RAB34: variants seen among roughly 807,000 people sequenced by gnomAD.
RAB34 encodes the protein ras-related protein Rab-34.
In RAB34, 33 loss-of-function variants were observed where a neutral mutation model predicts 39.0. That is an observed-to-expected ratio of 0.85 (90% confidence interval 0.64 to 1.13). The LOEUF (loss-of-function observed/expected upper bound fraction) is 1.13. Among genes scored for constraint, RAB34 ranks in the 50% most tolerant of loss-of-function variants. The pLI is 0.00. For synonymous variants in RAB34, 135 were observed against 125.1 expected, an observed-to-expected ratio of 1.08 and a Z score of -0.53; for missense variants, 289 against 326.1, an observed-to-expected ratio of 0.89 and a Z score of 0.88.
At chr17:28,717,918 C>T, upstream of RAB34, 1 of 1,352,928 alleles carries the variant, frequency 7.4e-7, no homozygotes, top group Non-Finnish European at 9.4e-7. Flanking sequence ...CGCCCCTCTC[C>T]TGGCGGCTCC....
chr17:28,714,854 A>G lies in RAB34; in HGVS notation c.651T>C (p.Phe217=), dbSNP rs1421129322. ...EFFFRVAALT[F]EANVLAELEK... is the part of the protein sequence containing the mutation. ...CCAGCTCAGCCAGCACATTGGCCTC[A>G]AAGGTCAGTGCTGCCACACGGAAGA... Residue 217 remains phenylalanine (F), a synonymous_variant, in exon 9 of 10, where the codon TTT becomes TTC. Coordinates refer to ENST00000395245, the MANE Select transcript of RAB34 (RefSeq NM_031934.6). 1 of 1,614,144 alleles carries G rather than the reference A, an allele frequency of 6.2e-7. No individual in the cohort carries two copies. The highest frequency in any genetic ancestry group is 1.6e-4 in the Middle Eastern group (1 of 6,062).
At position 28,714,842 on chromosome 17, in the gene RAB34, C is replaced by T. The variant is rs372478944; in HGVS notation, c.663G>A (p.Val221=). 2 of 1,614,166 alleles carry T rather than the reference C, an allele frequency of 1.2e-6. No individual in the cohort carries two copies. Among genetic ancestry groups the T allele is most frequent in the Non-Finnish European group, 1.7e-6 (2 of 1,180,038 alleles). Residue 221 remains valine (V), a synonymous_variant, in exon 9 of 10, where the codon GTG becomes GTA. Transcript: ENST00000395245. ...CCCCCGATTTCTCCAGCTCAGCCAG[C>T]ACATTGGCCTCAAAGGTCAGTGCTG... ...RVAALTFEAN[V]LAELEKSGAR... is the part of the protein sequence containing the mutation.
rs1203151879 is a variant in RAB34 at position 28,716,052 on chromosome 17, C to G, written c.153G>C (p.Lys51Asn). The change falls in exon 3 of 10, where the codon AAG becomes AAC. Residue 51 changes from lysine (K) to asparagine (N), a missense_variant. Physicochemically the swap from Lys to Asn is moderately conservative, Grantham distance 94 (BLOSUM62 0). Coordinates refer to ENST00000395245, the MANE Select transcript of RAB34 (RefSeq NM_031934.6). Reference sequence around the variant, plus strand: ...CCCCCACCACAATGACCTTGGAGATCTTAAATCTGCTGGACACAAGAGTGG... The same window carrying G: ...CCCCCACCACAATGACCTTGGAGATGTTAAATCTGCTGGACACAAGAGTGG... ...QEHRTGTVGFKISKVIVVGDL... is the reference protein window; with the variant it reads ...QEHRTGTVGFNISKVIVVGDL... 2.5e-6 allele frequency: 4 copies of G among 1,613,856 alleles called. No individual in the cohort carries two copies. In the African/African-American group the frequency reaches 5.3e-5, roughly 22 times the overall value.
At chr17:28,714,967 G>A in intron 8 of RAB34, 65 bp downstream of exon 8, 2 of 1,589,240 alleles carry the variant, frequency 1.3e-6, no homozygotes, top group South Asian at 2.2e-5. Context: ...CACAGCTGGA[G>A]GTGTAGCAGT....
Position 28,717,204 on chromosome 17 carries a change from G to C in RAB34, c.54+9C>G, listed in dbSNP as rs1292594363. On this transcript the variant is annotated intron_variant, in intron 1 of 9. Transcript: ENST00000395245. ...GTAGACTGAAGCCCGACGTGGCCCC[G>C]GCGCCTACCTGGGGCAGCTCCGCCA... The C allele has an allele frequency of 6.3e-7, 1 of 1,597,698 alleles. No homozygotes were observed. Among genetic ancestry groups the C allele is most frequent in the South Asian group, 1.1e-5 (1 of 89,710 alleles).
In RAB34 at chr17:28,717,787, A is replaced by T. The variant is rs1365916764; in HGVS notation, c.-521T>A. ...CAGGGGCGGCGCTGCCAAGGCCCGC[A>T]GGCCGCTGGAGGAGGGGGCGAGGGG... On this transcript the variant is annotated 5_prime_UTR_variant, in exon 1 of 10. Transcript: ENST00000395245. 3 of 1,322,356 alleles carry T rather than the reference A, an allele frequency of 2.3e-6. No individual in the cohort carries two copies. 81.9% of individuals were successfully genotyped at this position (1,322,356 alleles called of 1,614,324 possible).
At chr17:28,718,279 C>G (rs1013494383), upstream of RAB34, 5 of 1,536,074 alleles carry the variant, frequency 3.3e-6, no homozygotes, top group Non-Finnish European at 4.4e-6. Flanking sequence ...GAGTCTGCCC[C>G]CTCTCGCCCT....
At position 28,715,913 on chromosome 17, in the gene RAB34, C is replaced by G. The variant is rs758494218; in HGVS notation, c.213-12G>C. 6.8e-6 allele frequency: 11 copies of G among 1,613,102 alleles called. No individual in the cohort carries two copies. The African/African-American group carries it at 1.5e-4, about 22-fold the overall frequency. ...TGTCTTTGCAGAACCTGAGAGGGTA[C>G]CAGATGCTGTGATCTGGAGCCAGCC... On this transcript the variant is annotated splice_polypyrimidine_tract_variant and intron_variant, in intron 3 of 9. Coordinates refer to ENST00000395245, the MANE Select transcript of RAB34 (RefSeq NM_031934.6).
intron 3 of RAB34, 43 bp downstream of exon 3, chr17:28,715,950 G>A: frequency 6.2e-7 from 1 of 1,613,094 alleles, no homozygotes; most frequent in South Asian, 1.1e-5. Flanking sequence ...ACCTGGCTAG[G>A]CTTGGCCCCA....
upstream of RAB34, chr17:28,717,947 T>G: frequency 3.4e-6 from 2 of 592,984 alleles, no homozygotes; most frequent in East Asian, 9.2e-5. Flanking sequence ...CTGCCCGCCC[T>G]CGCCACCCCC....
intron 2 of RAB34, 133 bp downstream of exon 2, chr17:28,716,770 C>A: frequency 9.5e-7 from 1 of 1,053,410 alleles, no homozygotes; most frequent in Non-Finnish European, 1.3e-6. Context: ...GATACAGGGG[C>A]TTAAAGAGGG....
Position 28,715,648 on chromosome 17 carries a change from T to G in RAB34, c.372A>C (p.Gly124=), listed in dbSNP as rs1196511188. 6.2e-7 allele frequency: 1 copy of G among 1,614,096 alleles called. No homozygotes were observed. The highest frequency in any genetic ancestry group is 2.2e-5 in the East Asian group (1 of 44,884). The stretch of plus-strand genomic sequence containing the variant: ...CTTCACCCAGCCCCTTACCTTGAGC[T>G]CCTCTATAGTAGGTTGATGCAATGC... ...FKCIASTYYR[G]AQAIIIVFNL... The change falls in exon 5 of 10, where the codon GGA becomes GGC. Residue 124 remains glycine (G), a synonymous_variant. Transcript: ENST00000395245.
upstream of RAB34, chr17:28,717,939 G>GCCCCCCC: frequency 8.3e-7 from 1 of 1,206,612 alleles, no homozygotes; most frequent in South Asian, 2.1e-5. Context: ...AGGCCTCGCT[G>GCCCCCCC]CCCGCCCTCG....
At chr17:28,716,109 T>C in intron 2 of RAB34, 51 bp from the exon 3 acceptor site, 1 of 1,611,630 alleles carries the variant, frequency 6.2e-7, no homozygotes, top group Non-Finnish European at 8.5e-7. Flanking sequence ...TCTTTCACCC[T>C]AGGGAGTTCC....
chr17:28,715,088 G>A lies in RAB34; in HGVS notation c.548C>T (p.Ala183Val), dbSNP rs769328864. 1.1e-5 allele frequency: 17 copies of A among 1,613,998 alleles called. No homozygotes were observed. The South Asian group carries it at 1.9e-4, about 18-fold the overall frequency. Residue 183 changes from alanine (A) to valine (V), a missense_variant, in exon 8 of 10, where the codon GCC (alanine) becomes GTC (valine). Physicochemically the swap from Ala to Val is moderately conservative, Grantham distance 64 (BLOSUM62 0). Transcript: ENST00000395245. ...PAQYALMEKD[A>V]LQVAQEMKAE... is the part of the protein sequence containing the mutation. ...CTTCATCTCCTGGGCCACCTGGAGG[G>A]CGTCTTTCTCCATCAGCGCATACTG...
chr17:28,714,384 A>G lies in RAB34; in HGVS notation c.*259T>C. On this transcript the variant is annotated 3_prime_UTR_variant, in exon 10 of 10. Coordinates refer to ENST00000395245, the MANE Select transcript of RAB34 (RefSeq NM_031934.6). Reference sequence around the variant, plus strand: ...GGCCCAGCAGGCTGAGCAAAAGAACAGAGACACTCTCCCTCACTACCACTG... The same window carrying G: ...GGCCCAGCAGGCTGAGCAAAAGAACGGAGACACTCTCCCTCACTACCACTG... 1.6e-6 allele frequency: 1 copy of G among 633,510 alleles called. No homozygotes were observed. Among genetic ancestry groups the G allele is most frequent in the Non-Finnish European group, 2.8e-6 (1 of 360,180 alleles). 39.2% of individuals were successfully genotyped at this position (633,510 alleles called of 1,614,324 possible).
At chr17:28,716,624 G>A in intron 2 of RAB34, 1 of 361,130 alleles carries the variant, frequency 2.8e-6, no homozygotes, top group African/African-American at 2.1e-5. Flanking sequence ...CTCCATGGAT[G>A]CTATGTGGGG....
In RAB34 at chr17:28,715,459, GT is replaced by G. The variant is rs749380302; in HGVS notation, c.427del (p.Thr143ProfsTer9). The G allele has an allele frequency of 2.0e-5, 32 of 1,613,794 alleles. No homozygotes were observed. Among genetic ancestry groups the G allele is most frequent in the South Asian group, 3.3e-5 (3 of 91,086 alleles). On this transcript the variant is annotated frameshift_variant, in exon 6 of 10. Transcript: ENST00000395245. LOFTEE classifies it high-confidence loss of function. ...ATATTGCAGGATGCTCACTTACTTG[GT>G]ATGTTCCAGAGATGCCACATCATTC... ...NLNDVASLEH[T>X]KQWLADALKE...
At position 28,714,347 on chromosome 17, in the gene RAB34, T is replaced by A. The variant is rs566783058; in HGVS notation, c.*296A>T. 3.3e-5 allele frequency: 20 copies of A among 597,536 alleles called. No individual in the cohort carries two copies. Among genetic ancestry groups the A allele is most frequent in the Non-Finnish European group, 6.0e-5 (20 of 335,214 alleles). 37.0% of individuals were successfully genotyped at this position (597,536 alleles called of 1,614,324 possible). A position where few individuals can be genotyped will look rare whatever the true frequency, so the allele number is the denominator to read the frequency against. On this transcript the variant is annotated 3_prime_UTR_variant, in exon 10 of 10. Coordinates refer to ENST00000395245, the MANE Select transcript of RAB34 (RefSeq NM_031934.6). ...GAGAGGCTGGAATCATTAAGCATCC[T>A]CAAACACAAAGGGCCCAGCAGGCTG...
Sources: allele counts gnomAD v4.1 joint callset, GRCh38; gene constraint gnomAD v4.1.1; transcripts MANE v1.5; gene names NCBI Gene and HGNC (gene_info 2026-07-23, HGNC 2026-07-21).